The following DENND2B variants were observed in gnomAD, a reference collection of about 807,000 sequenced individuals.
DENND2B encodes DENN domain containing 2B.
DENND2B carries 32 observed loss-of-function variants against 116.0 expected under a neutral mutation model. The ratio of observed to expected loss-of-function variants is 0.28; its 90% CI spans 0.21 to 0.37. The LOEUF is 0.37. DENND2B is among the 10% of genes least tolerant of loss of function. DENND2B has a pLI of 1.00. For missense variants in DENND2B, 1,276 were observed against 1,477.7 expected (o/e 0.86, Z 2.24); for synonymous variants, 588 against 583.9 (o/e 1.01, Z -0.10).
intron 3 of DENND2B, among the ~76,000 whole-genome samples, chr11:8,853,101 C>T (rs1180582581): frequency 1.3e-5 from 2 of 152,174 alleles, no homozygotes; most frequent in Non-Finnish European, 2.9e-5. Flanking sequence ...CGGTGGCTCA[C>T]GCCTGTAATC....
intron 3 of DENND2B, among the ~76,000 whole-genome samples, chr11:8,848,911 C>T (rs2062901872): frequency 6.6e-6 from 1 of 151,628 alleles, no homozygotes; most frequent in Non-Finnish European, 1.5e-5. Context: ...AACAGTAAAG[C>T]AGATTCTTAA....
intron 11 of DENND2B, among the ~76,000 whole-genome samples, chr11:8,708,642 A>T (rs1363933889): frequency 6.6e-6 from 1 of 152,188 alleles, no homozygotes; most frequent in Non-Finnish European, 1.5e-5. Flanking sequence ...AAGGAGCAAA[A>T]GAAGAATGGG....
chr11:8,701,503 CCT>C (rs900004847), intron 14 of DENND2B, among the ~76,000 whole-genome samples: 18 of 152,032 alleles, frequency 1.2e-4, no homozygotes, highest in Admixed American at 3.9e-4. Flanking sequence ...AGCCTCTCTC[CCT>C]CTGTCTCTGT....
intron 1 of DENND2B, among the ~76,000 whole-genome samples, chr11:8,907,379 T>C (rs1217326084): frequency 6.6e-6 from 1 of 152,210 alleles, no homozygotes; most frequent in Non-Finnish European, 1.5e-5. Flanking sequence ...TGGTAGGTCA[T>C]GTTCTATCAT....
At chr11:8,815,599 T>C (rs1379358264), upstream of DENND2B, among the ~76,000 whole-genome samples, 1 of 152,226 alleles carries the variant, frequency 6.6e-6, no homozygotes. Flanking sequence ...AACAAAATCT[T>C]ACTGCCTTCA....
At chr11:8,864,975 C>G (rs1214800377) in intron 2 of DENND2B, among the ~76,000 whole-genome samples, 1 of 152,222 alleles carries the variant, frequency 6.6e-6, no homozygotes, top group Non-Finnish European at 1.5e-5. Context: ...TGACCCCTGC[C>G]TACTCAAAGG....
At chr11:8,892,099 G>A (rs1315931742) in intron 1 of DENND2B, among the ~76,000 whole-genome samples, 2 of 152,078 alleles carry the variant, frequency 1.3e-5, no homozygotes, top group Admixed American at 6.6e-5. Flanking sequence ...ACTCAAAACT[G>A]TTCAACTACA....
rs767746486 is a variant in DENND2B, at chr11:8,742,380, G to A, written c.80+8241C>T. Reference sequence around the variant, plus strand: ...GTAGATGTCTGGAATATATTTTGGCGCCTGCAAGAGAGGTGCTACTGAAAC... The same window carrying A: ...GTAGATGTCTGGAATATATTTTGGCACCTGCAAGAGAGGTGCTACTGAAAC... On this transcript the variant is annotated intron_variant, in intron 2 of 19. Coordinates refer to ENST00000313726, the MANE Select transcript of DENND2B (RefSeq NM_213618.2). Among the ~76,000 whole-genome samples, 9 of 152,064 alleles carry A rather than the reference G, an allele frequency of 5.9e-5. No individual in the cohort carries two copies. The East Asian group carries it at 7.7e-4, about 13-fold the overall frequency.
intron 14 of DENND2B, among the ~76,000 whole-genome samples, chr11:8,701,445 A>C (rs368355538): frequency 9.9e-5 from 15 of 150,856 alleles, no homozygotes; most frequent in African/African-American, 3.7e-4. Flanking sequence ...CCTTCTTATC[A>C]AACTGGCTGG....
Position 8,717,828 on chromosome 11 carries a change from T to G in DENND2B, c.1542A>C (p.Lys514Asn). The G allele has an allele frequency of 6.2e-7, 1 of 1,613,490 alleles. No homozygotes were observed. Among genetic ancestry groups the G allele is most frequent in the East Asian group, 2.2e-5 (1 of 44,852 alleles). The change falls in exon 5 of 20, where the codon AAA (lysine) becomes AAC (asparagine). Residue 514 changes from lysine (K) to asparagine (N), a missense_variant. Around this residue, in one of 2 missense-constraint regions of DENND2B, gnomAD observed 856 missense variants for 846.6 expected, o/e 1.01. Coordinates refer to ENST00000313726, the MANE Select transcript of DENND2B (RefSeq NM_213618.2). The stretch of plus-strand genomic sequence containing the variant: ...AGGAGTTCTCAGACAGTTGCTGGGA[T>G]TTTCGTCCTGCTCTTCGGCTCTTTA... ...VDLKSRRAGRKSQQLSENSLD... is the reference protein window; with the variant it reads ...VDLKSRRAGRNSQQLSENSLD...
chr11:8,717,013 T>C (rs1416749189), intron 5 of DENND2B, among the ~76,000 whole-genome samples: 2 of 152,258 alleles, frequency 1.3e-5, no homozygotes, highest in African/African-American at 4.8e-5. Context: ...ATATTATCAT[T>C]TTATATTATC....
chr11:8,798,309 G>C (rs1227239930), intron 1 of DENND2B, among the ~76,000 whole-genome samples: 1 of 152,198 alleles, frequency 6.6e-6, no homozygotes, highest in Non-Finnish European at 1.5e-5. Context: ...AGTTTCCGAA[G>C]CAAGAGAGGC....
chr11:8,868,598 T>C (rs1180243452), intron 2 of DENND2B, among the ~76,000 whole-genome samples: 3 of 152,222 alleles, frequency 2.0e-5, no homozygotes, highest in South Asian at 4.1e-4. Context: ...TTTGATCTTG[T>C]CTTTTTAAAA....
chr11:8,778,363 C>T (rs1191181517), intron 1 of DENND2B, among the ~76,000 whole-genome samples: 1 of 152,164 alleles, frequency 6.6e-6, no homozygotes. Context: ...GAAGAGAAGA[C>T]CTAGTGCACA....
At chr11:8,708,130 C>G (rs1000554775) in intron 11 of DENND2B, 1 of 1,362,848 alleles carries the variant, frequency 7.3e-7, no homozygotes, top group East Asian at 3.1e-5. Flanking sequence ...AGGACGCTGA[C>G]GGGGGCTGGC....
At chr11:8,710,955 G>C (rs372242361) in intron 10 of DENND2B, 41 bp from the exon 11 acceptor site, 14 of 1,610,136 alleles carry the variant, frequency 8.7e-6, no homozygotes, top group Middle Eastern at 1.6e-4. Flanking sequence ...GGTGTGAGAG[G>C]ACCTAGGAAA....
intron 1 of DENND2B, among the ~76,000 whole-genome samples, chr11:8,887,070 C>A (rs1338998227): frequency 6.6e-6 from 1 of 152,140 alleles, no homozygotes; most frequent in Non-Finnish European, 1.5e-5. Context: ...TCAGGTGATC[C>A]ATCTACCTCG....
chr11:8,707,887 C>A lies in DENND2B; in HGVS notation c.2353-33G>T. ...AGGACAAGGAGGAGGAGGAGAGAGA[C>A]AGACACAGAGAATGCATGATTACCA... On this transcript the variant is annotated intron_variant, in intron 11 of 19. Transcript: ENST00000313726. This position sits in a 1 kb window ranked among gnomAD's most constrained non-coding sequence, Gnocchi z 4.8. The A allele has an allele frequency of 6.3e-7, 1 of 1,590,302 alleles. No homozygotes were observed. Among genetic ancestry groups the A allele is most frequent in the Non-Finnish European group, 8.6e-7 (1 of 1,168,620 alleles).
intron 2 of DENND2B, among the ~76,000 whole-genome samples, chr11:8,748,412 G>C (rs1161290207): frequency 6.6e-6 from 1 of 152,210 alleles, no homozygotes; most frequent in East Asian, 1.9e-4. Context: ...TGAGTTCACC[G>C]ACAATGCCTT....
Sources: gnomAD v4.1 joint callset for allele counts (sites outside exome capture counted in the v4.1 genomes callset) on GRCh38, gnomAD v4.1.1 for gene constraint, gnomAD v4.1.1 regional missense constraint, Gnocchi (gnomAD v3.1) non-coding constraint, MANE v1.5 for transcripts, NCBI Gene and HGNC (gene_info 2026-07-23, HGNC 2026-07-21) for gene names.